Variants in RAP1GDS1 observed in about 807,000 individuals in gnomAD.
RAP1GDS1 encodes RAP1, GTP-GDP dissociation stimulator 1.
Under a neutral mutation model 71.1 loss-of-function variants are expected in RAP1GDS1, and 35 were observed. The observed-to-expected ratio is 0.49, with a 90% confidence interval of 0.38 to 0.65. The LOEUF (loss-of-function observed/expected upper bound fraction) is 0.65, where lower values mean the gene tolerates loss of function less well. Among genes scored for constraint, RAP1GDS1 ranks in the 30% least tolerant of loss-of-function variants. RAP1GDS1 has a pLI of 0.00. For missense variants in RAP1GDS1, 663 were observed against 706.1 expected (o/e 0.94, Z 0.69); for synonymous variants, 229 against 243.1 (o/e 0.94, Z 0.54).
chr4:98,305,378 T>G (rs1054846625), intron 2 of RAP1GDS1, among the ~76,000 whole-genome samples: 1 of 152,048 alleles, frequency 6.6e-6, no homozygotes, highest in Non-Finnish European at 1.5e-5. Flanking sequence ...GTAGAGAACA[T>G]TTTTAAAGGA....
At chr4:98,407,950 G>T (rs1236826229) in intron 7 of RAP1GDS1, among the ~76,000 whole-genome samples, 1 of 151,976 alleles carries the variant, frequency 6.6e-6, no homozygotes, top group African/African-American at 2.4e-5. Flanking sequence ...CAGTGGAATT[G>T]GTAAACCCGT....
At chr4:98,425,276 C>A (rs561463190) in intron 12 of RAP1GDS1, among the ~76,000 whole-genome samples, 2 of 152,110 alleles carry the variant, frequency 1.3e-5, no homozygotes, top group Admixed American at 1.3e-4. Flanking sequence ...CAAAACAGAA[C>A]CTCTTTAAAG....
At chr4:98,273,219 A>G (rs1723741816) in intron 1 of RAP1GDS1, among the ~76,000 whole-genome samples, 1 of 152,150 alleles carries the variant, frequency 6.6e-6, no homozygotes, top group African/African-American at 2.4e-5. Context: ...CTGCTTTACG[A>G]CCCATTTTGA....
intron 1 of RAP1GDS1, among the ~76,000 whole-genome samples, chr4:98,272,493 T>A (rs529026699): frequency 6.6e-6 from 1 of 152,288 alleles, no homozygotes; most frequent in South Asian, 2.1e-4. Context: ...TTCGTTCAAC[T>A]TTTGAAGCGT....
At chr4:98,423,520 TTTTC>T (rs1051242575) in intron 12 of RAP1GDS1, among the ~76,000 whole-genome samples, 2 of 152,030 alleles carry the variant, frequency 1.3e-5, no homozygotes, top group Non-Finnish European at 2.9e-5. Context: ...GGTTTTTTTG[TTTTC>T]TTTATTTTTT....
Position 98,404,474 on chromosome 4 carries a change from C to T in RAP1GDS1, c.638-3C>T. The T allele has an allele frequency of 1.3e-6, 2 of 1,570,334 alleles. No individual in the cohort carries two copies. The highest frequency in any genetic ancestry group is 1.2e-5 in the South Asian group (1 of 83,058). Reference sequence around the variant, plus strand: ...GTTTAAGTTTTTCTTTTTTATTTTACAGAGTCAAGTAAAGAACAGTTTGCC... The same window carrying T: ...GTTTAAGTTTTTCTTTTTTATTTTATAGAGTCAAGTAAAGAACAGTTTGCC... On this transcript the variant is annotated splice_polypyrimidine_tract_variant and splice_region_variant and intron_variant, in intron 6 of 14. Transcript: ENST00000408927.
chr4:98,341,648 G>A (rs767669706), intron 2 of RAP1GDS1, among the ~76,000 whole-genome samples: 4 of 151,988 alleles, frequency 2.6e-5, no homozygotes, highest in Non-Finnish European at 4.4e-5. Flanking sequence ...TCTTCTGGTA[G>A]CAATGGTCAG....
chr4:98,347,210 T>C (rs920192287), intron 3 of RAP1GDS1, among the ~76,000 whole-genome samples: 1 of 152,136 alleles, frequency 6.6e-6, no homozygotes, highest in African/African-American at 2.4e-5. Context: ...GAGGGGGATA[T>C]AAATCTTGGT....
intron 12 of RAP1GDS1, among the ~76,000 whole-genome samples, chr4:98,425,578 A>G (rs1436914312): frequency 6.6e-6 from 1 of 152,222 alleles, no homozygotes; most frequent in Admixed American, 6.5e-5. Flanking sequence ...AGGAATAGCT[A>G]TCTTGTATCA....
At chr4:98,440,591 G>A (rs1751738801) in intron 14 of RAP1GDS1, among the ~76,000 whole-genome samples, 1 of 152,094 alleles carries the variant, frequency 6.6e-6, no homozygotes, top group Non-Finnish European at 1.5e-5. Flanking sequence ...TTTCCCTAAT[G>A]ATTACTGATG....
At chr4:98,375,496 A>G (rs1212664295) in intron 4 of RAP1GDS1, among the ~76,000 whole-genome samples, 1 of 152,210 alleles carries the variant, frequency 6.6e-6, no homozygotes, top group Non-Finnish European at 1.5e-5. Flanking sequence ...CATTACTCAT[A>G]TCAGTAACAT....
Position 98,343,685 on chromosome 4 carries a change from G to A in RAP1GDS1, c.235+424G>A, listed in dbSNP as rs796947520. Among the ~76,000 whole-genome samples, 6 of 152,116 alleles carry A rather than the reference G, an allele frequency of 3.9e-5. No individual in the cohort carries two copies. In the South Asian group the frequency reaches 8.3e-4, roughly 21 times the overall value. ...TTGTTCCGACATTGGCACTTCAACA[G>A]TATAGTTGGAATATACGTTCTATTT... On this transcript the variant is annotated intron_variant, in intron 3 of 14. Coordinates refer to ENST00000408927, the MANE Select transcript of RAP1GDS1 (RefSeq NM_001100427.2).
intron 4 of RAP1GDS1, among the ~76,000 whole-genome samples, chr4:98,363,644 A>G (rs1449254207): frequency 6.6e-6 from 1 of 152,142 alleles, no homozygotes; most frequent in Non-Finnish European, 1.5e-5. Context: ...GATGATAGAA[A>G]GCCTCATGAA....
At chr4:98,263,480 T>G (rs191478545) in intron 1 of RAP1GDS1, among the ~76,000 whole-genome samples, 2 of 152,318 alleles carry the variant, frequency 1.3e-5, no homozygotes, top group East Asian at 3.9e-4. Flanking sequence ...TAGAAACCTA[T>G]CTCTCATTTT....
intron 2 of RAP1GDS1, among the ~76,000 whole-genome samples, chr4:98,330,666 C>T (rs1343217099): frequency 2.7e-5 from 4 of 148,476 alleles, no homozygotes; most frequent in African/African-American, 7.5e-5. Flanking sequence ...GACGGGATGA[C>T]GGCCGGGAAG....
intron 2 of RAP1GDS1, among the ~76,000 whole-genome samples, chr4:98,298,115 C>T (rs1268939242): frequency 6.6e-6 from 1 of 152,026 alleles, no homozygotes; most frequent in Non-Finnish European, 1.5e-5. Flanking sequence ...CTGAGAAGGC[C>T]GAGAGGTGAG....
intron 4 of RAP1GDS1, among the ~76,000 whole-genome samples, chr4:98,370,738 T>A (rs750737094): frequency 6.6e-6 from 1 of 151,884 alleles, no homozygotes; most frequent in Non-Finnish European, 1.5e-5. Context: ...ACCTGGCTAA[T>A]TTTTGTATTT....
intron 7 of RAP1GDS1, among the ~76,000 whole-genome samples, chr4:98,416,165 G>C (rs896170027): frequency 6.6e-6 from 1 of 152,026 alleles, no homozygotes; most frequent in Non-Finnish European, 1.5e-5. Context: ...GTTGCTTTCA[G>C]AGCTGAGTAT....
In RAP1GDS1 at chr4:98,308,297, C is replaced by CTATATATATATATATATA. The variant is rs779815305; in HGVS notation, c.112+14800_112+14817dup. ...ACACACATATATATACACACACACA[C>CTATATATATATATATATA]TATATATATATATATATATATATAT... On this transcript the variant is annotated intron_variant, in intron 2 of 14. Coordinates refer to ENST00000408927, the MANE Select transcript of RAP1GDS1 (RefSeq NM_001100427.2). 1.3e-3 allele frequency among the ~76,000 whole-genome samples: 94 copies of CTATATATATATATATATA among 73,184 alleles called. 1 individual carries two copies. The highest frequency in any genetic ancestry group is 1.6e-3 in the Admixed American group (9 of 5,496). The allele number at this position is 73,184 out of a possible 152,430, so 48.0% of individuals were successfully genotyped here. A position where few individuals can be genotyped will look rare whatever the true frequency, so the allele number is the denominator to read the frequency against.
Sources: allele counts gnomAD v4.1 joint callset (sites outside exome capture counted in the v4.1 genomes callset), GRCh38; gene constraint gnomAD v4.1.1; transcripts MANE v1.5; gene names NCBI Gene and HGNC (gene_info 2026-07-23, HGNC 2026-07-21).